The following NUP214 variants were observed in gnomAD, a reference collection of about 807,000 sequenced individuals.
The protein encoded by NUP214 is nuclear pore complex protein Nup214.
Under a neutral mutation model 196.2 loss-of-function variants are expected in NUP214, and 79 were observed. The observed-to-expected ratio is 0.40, with a 90% CI of 0.34 to 0.49. The LOEUF (loss-of-function observed/expected upper bound fraction) is 0.49, where lower values mean the gene tolerates loss of function less well. Ranked by LOEUF, NUP214 falls within the 20% of genes least tolerant of loss-of-function variation. The probability of loss-of-function intolerance (pLI) is 0.58; values close to 1 mark genes in which losing one functional copy is unlikely to be tolerated. For missense variants in NUP214, 2,468 were observed against 2,539.0 expected, an observed-to-expected ratio of 0.97 and a Z score of 0.60; for synonymous variants, 1,020 against 990.5, an observed-to-expected ratio of 1.03 and a Z score of -0.56.
Position 131,125,819 on chromosome 9 carries a change from G to C in NUP214, c.45+70G>C. On this transcript the variant is annotated intron_variant, in intron 1 of 35. Transcript: ENST00000359428. This position sits in a 1 kb window ranked among gnomAD's most constrained non-coding sequence, Gnocchi z 4.1. Reference sequence around the variant, plus strand: ...TTGCCTTGGAGCCCAGCTGAAAGGCGAAGCGCGGTGCTGGCTGTCCCGCCT... The same window carrying C: ...TTGCCTTGGAGCCCAGCTGAAAGGCCAAGCGCGGTGCTGGCTGTCCCGCCT... 1 of 1,512,482 alleles carries C rather than the reference G, an allele frequency of 6.6e-7. No homozygotes were observed. The highest frequency in any genetic ancestry group is 1.2e-5 in the South Asian group (1 of 83,068). 93.7% of individuals were successfully genotyped at this position (1,512,482 alleles called of 1,614,324 possible). A position where few individuals can be genotyped will look rare whatever the true frequency, so the allele number is the denominator to read the frequency against.
At chr9:131,128,746 T>C in intron 3 of NUP214, 1 of 369,996 alleles carries the variant, frequency 2.7e-6, no homozygotes, top group Non-Finnish European at 4.9e-6. Context: ...GAATACATAA[T>C]GTCAAAAGTT....
intron 27 of NUP214, among the ~76,000 whole-genome samples, chr9:131,192,873 C>T (rs917424464): frequency 7.7e-6 from 1 of 130,012 alleles, no homozygotes; most frequent in Non-Finnish European, 1.5e-5. Context: ...CCCGGGAGTT[C>T]GAGGTTACAG....
At chr9:131,136,594 A>G (rs981344552) in intron 9 of NUP214, 2 of 152,274 alleles carry the variant, frequency 1.3e-5, no homozygotes, top group African/African-American at 4.8e-5. Context: ...GCTTGAAACA[A>G]CTTCTATACA....
At chr9:131,139,759 A>C (rs1469271954) in intron 10 of NUP214, among the ~76,000 whole-genome samples, 1 of 152,188 alleles carries the variant, frequency 6.6e-6, no homozygotes, top group Admixed American at 6.5e-5. Context: ...CTCCCAAAGA[A>C]GCAATACCCG....
At chr9:131,134,728 A>T (rs1315363683) in intron 7 of NUP214, among the ~76,000 whole-genome samples, 170 bp from the exon 8 acceptor site, 1 of 152,178 alleles carries the variant, frequency 6.6e-6, no homozygotes, top group Non-Finnish European at 1.5e-5. Context: ...TTGATGGCCA[A>T]TGTTTGTACT....
intron 28 of NUP214, among the ~76,000 whole-genome samples, chr9:131,195,912 C>T (rs1008777627): frequency 6.7e-6 from 1 of 149,596 alleles, no homozygotes; most frequent in Non-Finnish European, 1.5e-5. Flanking sequence ...ATAATCCCAG[C>T]TACTCAGGAG....
intron 11 of NUP214, 43 bp downstream of exon 11, chr9:131,140,753 G>T: frequency 6.4e-7 from 1 of 1,561,688 alleles, no homozygotes; most frequent in Non-Finnish European, 8.7e-7. Flanking sequence ...AATACCATGG[G>T]CTTGCACAAG....
At chr9:131,180,321 A>G (rs1223039108) in intron 24 of NUP214, among the ~76,000 whole-genome samples, 2 of 152,218 alleles carry the variant, frequency 1.3e-5, no homozygotes, top group African/African-American at 4.8e-5. Flanking sequence ...TACTCCAAAC[A>G]TAAATTGAAA....
chr9:131,176,990 T>C (rs995574353), intron 23 of NUP214, among the ~76,000 whole-genome samples: 56 of 152,280 alleles, frequency 3.7e-4, no homozygotes, highest in African/African-American at 1.2e-3. Flanking sequence ...AAGGGTTATC[T>C]AGCCCCAAAA....
chr9:131,130,137 G>GTTTTTGTTTTTT (rs1831490850), intron 4 of NUP214, among the ~76,000 whole-genome samples: 1 of 76,894 alleles, frequency 1.3e-5, no homozygotes, highest in Non-Finnish European at 2.3e-5. Flanking sequence ...TTCTGGTTTT[G>GTTTTTGTTTTTT]TTTTTTTTTT....
At chr9:131,154,840 T>C (rs1024498414) in intron 17 of NUP214, among the ~76,000 whole-genome samples, 4 of 151,254 alleles carry the variant, frequency 2.6e-5, no homozygotes, top group Admixed American at 6.6e-5. Flanking sequence ...TGTGTGTGTG[T>C]GTGCGCACGC....
intron 30 of NUP214, among the ~76,000 whole-genome samples, chr9:131,204,822 G>C (rs946155689): frequency 5.9e-5 from 9 of 152,140 alleles, no homozygotes; most frequent in African/African-American, 9.7e-5. Context: ...ATGCATAAAA[G>C]GAAACTGATT....
At position 131,228,239 on chromosome 9, in the gene NUP214, C is replaced by T. The variant is rs375177853; in HGVS notation, c.5982C>T (p.Phe1994=). Residue 1994 remains phenylalanine, a synonymous_variant, in exon 33 of 36, where the codon TTC becomes TTT. Coordinates refer to ENST00000359428, the MANE Select transcript of NUP214 (RefSeq NM_005085.4). ...CTGGGTTTGGAGGGGTGCCAGCATT[C>T]GGTTCAGCCCCAGCCTTTACAAGCC... ...GSPGFGGVPA[F]GSAPAFTSPL... is the part of the protein sequence containing the mutation. The T allele has an allele frequency of 2.1e-4, 335 of 1,604,062 alleles. No homozygotes were observed. Among genetic ancestry groups the T allele is most frequent in the Non-Finnish European group, 2.3e-4 (276 of 1,176,518 alleles).
At chr9:131,181,413 A>G (rs1434051190) in intron 24 of NUP214, among the ~76,000 whole-genome samples, 1 of 152,184 alleles carries the variant, frequency 6.6e-6, no homozygotes, top group East Asian at 1.9e-4. Context: ...AAACTGGTTT[A>G]CAGAGGTGCT....
intron 32 of NUP214, 57 bp downstream of exon 32, chr9:131,222,987 G>GAT (rs1834604956): frequency 6.5e-7 from 1 of 1,533,640 alleles, no homozygotes; most frequent in Non-Finnish European, 8.9e-7. Context: ...TTTATGCATA[G>GAT]ATATCTGGAA....
At chr9:131,171,834 G>A (rs543872342) in intron 21 of NUP214, among the ~76,000 whole-genome samples, 257 of 152,188 alleles carry the variant, frequency 1.7e-3, no homozygotes, top group African/African-American at 5.9e-3. Context: ...ATATTTTACT[G>A]AGAATGATGA....
rs1168181886 is a variant in NUP214, at chr9:131,174,258, G to T, written c.3097G>T (p.Ala1033Ser). 1 of 1,613,852 alleles carries T rather than the reference G, an allele frequency of 6.2e-7. No homozygotes were observed. The highest frequency in any genetic ancestry group is 8.5e-7 in the Non-Finnish European group (1 of 1,179,930). The change falls in exon 22 of 36, where the codon GCA (alanine) becomes TCA (serine). Residue 1033 changes from alanine (A) to serine (S), a missense_variant. Around this residue, in one of 5 missense-constraint regions of NUP214, gnomAD observed 1,801 missense variants for 1,779.4 expected, o/e 1.01. Transcript: ENST00000359428. ...SIQPSLLPHA[A>S]PFAKSHLVHG... ...CCAGCCCAGTCTCTTGCCCCATGCA[G>T]CACCTTTTGCTAAATCTCACCTGGT... is the stretch of plus-strand genomic sequence containing the variant.
intron 24 of NUP214, among the ~76,000 whole-genome samples, chr9:131,180,569 A>G (rs1034384477): frequency 2.0e-5 from 3 of 152,246 alleles, no homozygotes; most frequent in Non-Finnish European, 4.4e-5. Flanking sequence ...ATGAGCTTAC[A>G]TATTTCTGCC....
chr9:131,199,201 T>C (rs910405606), intron 29 of NUP214, among the ~76,000 whole-genome samples, 186 bp downstream of exon 29: 1 of 152,232 alleles, frequency 6.6e-6, no homozygotes, highest in Non-Finnish European at 1.5e-5. Flanking sequence ...CTGGATCTGT[T>C]ACAGCTTAAT....
Sources: gnomAD v4.1 joint callset for allele counts (sites outside exome capture counted in the v4.1 genomes callset) on GRCh38, gnomAD v4.1.1 for gene constraint, gnomAD v4.1.1 regional missense constraint, Gnocchi (gnomAD v3.1) non-coding constraint, MANE v1.5 for transcripts, NCBI Gene and HGNC (gene_info 2026-07-23, HGNC 2026-07-21) for gene names.